SLC1A3: variants seen among roughly 807,000 people sequenced by gnomAD.
The protein encoded by SLC1A3 is excitatory amino acid transporter 1.
In SLC1A3, 21 loss-of-function variants were observed where a neutral mutation model predicts 48.1. The ratio of observed to expected loss-of-function variants is 0.44; its 90% CI spans 0.31 to 0.63. SLC1A3 has a LOEUF of 0.63. SLC1A3 is among the 20% of genes least tolerant of loss of function. The probability of loss-of-function intolerance (pLI) is 0.08; values close to 1 mark genes in which losing one functional copy is unlikely to be tolerated. For missense variants in SLC1A3, 546 were observed against 689.0 expected (o/e 0.79, Z 2.32); for synonymous variants, 239 against 251.4 (o/e 0.95, Z 0.47).
chr5:36,604,889 C>CA, upstream of SLC1A3, among the ~76,000 whole-genome samples: 1 of 100,550 alleles, frequency 9.9e-6, no homozygotes. Flanking sequence ...GTCATTTCCA[C>CA]CAAAAAAAAA....
chr5:36,637,707 G>A (rs1343467967), intron 3 of SLC1A3, among the ~76,000 whole-genome samples: 1 of 152,136 alleles, frequency 6.6e-6, no homozygotes, highest in Non-Finnish European at 1.5e-5. Context: ...TTGGAGGTTT[G>A]TGCCTAAGGA....
chr5:36,606,080 C>T (rs762639834), upstream of SLC1A3, among the ~76,000 whole-genome samples: 1 of 152,336 alleles, frequency 6.6e-6, no homozygotes, highest in East Asian at 1.9e-4. Context: ...GAAATAGAGG[C>T]ATGTCCCTAA....
intron 2 of SLC1A3, among the ~76,000 whole-genome samples, chr5:36,622,077 C>T (rs1361137629): frequency 2.0e-5 from 3 of 152,060 alleles, no homozygotes; most frequent in Non-Finnish European, 4.4e-5. Flanking sequence ...CCTTGAGCCA[C>T]GAAAATGGAC....
chr5:36,607,382 G>C (rs1364865609), intron 1 of SLC1A3: 1 of 152,114 alleles, frequency 6.6e-6, no homozygotes, highest in African/African-American at 2.4e-5. Flanking sequence ...AGCACCAGGA[G>C]GAATCCCTTG....
intron 3 of SLC1A3, among the ~76,000 whole-genome samples, chr5:36,661,969 G>GTCTTT: frequency 6.6e-6 from 1 of 152,212 alleles, no homozygotes; most frequent in South Asian, 2.1e-4. Context: ...ATGCGGGAAG[G>GTCTTT]TCTTTTCGCT....
intron 4 of SLC1A3, among the ~76,000 whole-genome samples, chr5:36,673,476 C>T (rs1742078855): frequency 6.6e-6 from 1 of 152,208 alleles, no homozygotes; most frequent in Non-Finnish European, 1.5e-5. Context: ...GAAGAAGTAA[C>T]AAGTCCTGCC....
At chr5:36,657,858 G>T (rs1435641672) in intron 3 of SLC1A3, among the ~76,000 whole-genome samples, 2 of 152,244 alleles carry the variant, frequency 1.3e-5, no homozygotes, top group African/African-American at 4.8e-5. Context: ...TTCCTCAGTA[G>T]AAATATTAAT....
At position 36,686,184 on chromosome 5, in the gene SLC1A3, A is replaced by G. The variant is rs763377985; in HGVS notation, c.1544A>G (p.Glu515Gly). ...RDVEMGNSVI[E>G]ENEMKKPYQL... ...GTTGAAATGGGTAACTCAGTGATTGAAGAGAATGAAATGAAGAAACCATAT... is the reference window on the plus strand; with the variant it reads ...GTTGAAATGGGTAACTCAGTGATTGGAGAGAATGAAATGAAGAAACCATAT... Residue 515 changes from glutamate to glycine, a missense_variant, in exon 10 of 10, where the codon GAA becomes GGA. This residue lies in a region of SLC1A3 where 56 missense variants were observed against 59.0 expected (regional missense o/e 0.95). Transcript: ENST00000265113. 4 of 1,614,156 alleles carry G rather than the reference A, an allele frequency of 2.5e-6. No individual in the cohort carries two copies. The highest frequency in any genetic ancestry group is 3.4e-6 in the Non-Finnish European group (4 of 1,179,944).
At chr5:36,651,326 A>C (rs550849154) in intron 3 of SLC1A3, among the ~76,000 whole-genome samples, 1 of 151,824 alleles carries the variant, frequency 6.6e-6, no homozygotes, top group Non-Finnish European at 1.5e-5. Flanking sequence ...CCTAATCTAC[A>C]CTAACTTCCT....
intron 3 of SLC1A3, among the ~76,000 whole-genome samples, chr5:36,639,888 T>C (rs544082390): frequency 5.3e-5 from 8 of 152,308 alleles, no homozygotes; most frequent in Admixed American, 5.2e-4. Flanking sequence ...TTCACTCTAA[T>C]TTGAATAGAC....
At chr5:36,629,742 T>C (rs1740065095) in intron 3 of SLC1A3, among the ~76,000 whole-genome samples, 155 bp downstream of exon 3, 1 of 151,742 alleles carries the variant, frequency 6.6e-6, no homozygotes, top group South Asian at 2.1e-4. Flanking sequence ...AAGGAGGCTT[T>C]AGTAATGCAT....
intron 3 of SLC1A3, among the ~76,000 whole-genome samples, chr5:36,646,013 A>T (rs939324473): frequency 6.6e-6 from 1 of 152,236 alleles, no homozygotes; most frequent in African/African-American, 2.4e-5. Flanking sequence ...TGTAAGTAAT[A>T]TATGTAGTGA....
At chr5:36,678,198 A>G (rs1417564039) in intron 6 of SLC1A3, among the ~76,000 whole-genome samples, 1 of 152,234 alleles carries the variant, frequency 6.6e-6, no homozygotes, top group African/African-American at 2.4e-5. Context: ...ATGATTAAAA[A>G]TGCCCTTGTC....
intron 2 of SLC1A3, among the ~76,000 whole-genome samples, chr5:36,623,033 A>G (rs536756895): frequency 2.4e-4 from 37 of 151,952 alleles, no homozygotes; most frequent in African/African-American, 5.8e-4. Flanking sequence ...AAAAAAAAAA[A>G]AAGAAGTGTT....
Position 36,608,481 on chromosome 5 carries a change from C to A in SLC1A3, c.58C>A (p.Gln20Lys), listed in dbSNP as rs781563049. The stretch of plus-strand genomic sequence containing the variant: ...GGGGGGCAGGATGGAGAGATTCCAG[C>A]AGGGAGTCCGTAAACGCACACTTTT... ...KMGGRMERFQ[Q>K]GVRKRTLLAK... Residue 20 changes from glutamine (Q) to lysine (K), a missense_variant, in exon 2 of 10, where the codon CAG (glutamine) becomes AAG (lysine). Physicochemically the swap from Gln to Lys is moderately conservative, Grantham distance 53 (BLOSUM62 1). Around this residue, in one of 3 missense-constraint regions of SLC1A3, gnomAD observed 348 missense variants for 392.0 expected, o/e 0.89. Transcript: ENST00000265113. 1.9e-6 allele frequency: 3 copies of A among 1,613,906 alleles called. No homozygotes were observed. In the African/African-American group the frequency reaches 4.0e-5, roughly 22 times the overall value.
At chr5:36,626,528 A>C (rs1739911217) in intron 2 of SLC1A3, among the ~76,000 whole-genome samples, 1 of 152,208 alleles carries the variant, frequency 6.6e-6, no homozygotes, top group South Asian at 2.1e-4. Flanking sequence ...ACAGCTTGAT[A>C]CGTTCAAATT....
intron 2 of SLC1A3, chr5:36,612,607 T>A (rs200883493): frequency 0.041 from 6,118 of 149,508 alleles, 169 homozygotes; most frequent in African/African-American, 0.084. Flanking sequence ...AAAAAAAAAA[T>A]AATAATAATA....
At chr5:36,617,415 C>CTTTTTTTTTTTTTTTT (rs34710652) in intron 2 of SLC1A3, among the ~76,000 whole-genome samples, 1 of 57,678 alleles carries the variant, frequency 1.7e-5, no homozygotes, top group Non-Finnish European at 3.1e-5. Flanking sequence ...AGGTTGCGGG[C>CTTTTTTTTTTTTTTTT]TTTTTTTTTT....
intron 3 of SLC1A3, among the ~76,000 whole-genome samples, chr5:36,634,565 A>T (rs378427): frequency 0.72 from 109,500 of 152,054 alleles, 39,761 homozygotes; most frequent in African/African-American, 0.81. Flanking sequence ...TCCTGAACAT[A>T]TCTAAAGACA....
Sources: allele counts gnomAD v4.1 joint callset (sites outside exome capture counted in the v4.1 genomes callset), GRCh38; gene constraint gnomAD v4.1.1; regional missense constraint gnomAD v4.1.1; transcripts MANE v1.5; gene names NCBI Gene and HGNC (gene_info 2026-07-23, HGNC 2026-07-21).